The following ARHGAP19 variants were observed in gnomAD, a reference collection of about 807,000 sequenced individuals.
The protein encoded by ARHGAP19 is Rho GTPase activating protein 19, also known as rho GTPase-activating protein 19.
A neutral mutation model predicts 60.9 loss-of-function variants in ARHGAP19; 48 were observed. The observed-to-expected ratio is 0.79, with a 90% CI of 0.62 to 1.00. The LOEUF is 1.00. Among genes scored for constraint, ARHGAP19 ranks in the 50% least tolerant of loss-of-function variants. ARHGAP19 has a pLI of 0.00. For missense variants in ARHGAP19, 562 were observed against 597.2 expected, an observed-to-expected ratio of 0.94 and a Z score of 0.61; for synonymous variants, 209 against 215.5, an observed-to-expected ratio of 0.97 and a Z score of 0.27.
At chr10:97,279,502 T>TGTTC (rs1420461806) in intron 1 of ARHGAP19, among the ~76,000 whole-genome samples, 1 of 151,492 alleles carries the variant, frequency 6.6e-6, no homozygotes, top group African/African-American at 2.4e-5. Context: ...GCGTTTTGTT[T>TGTTC]GTTTGTTTGA....
chr10:97,278,741 T>C (rs12263021), intron 1 of ARHGAP19, among the ~76,000 whole-genome samples: 4,265 of 151,930 alleles, frequency 0.028, 193 homozygotes, highest in African/African-American at 0.094. Context: ...GAAAAATCAA[T>C]TACAGAAAAA....
intron 6 of ARHGAP19, among the ~76,000 whole-genome samples, chr10:97,251,467 A>C (rs199615046): frequency 1.9e-3 from 71 of 37,232 alleles, no homozygotes; most frequent in East Asian, 8.1e-3. Context: ...AGGGAAAAGG[A>C]AGGAGAAGAG....
intron 1 of ARHGAP19, among the ~76,000 whole-genome samples, chr10:97,287,967 C>A (rs916489453): frequency 6.6e-6 from 1 of 152,124 alleles, no homozygotes; most frequent in African/African-American, 2.4e-5. Context: ...GATGCTGAGG[C>A]AGGAGAATCT....
chr10:97,232,835 T>C (rs1851049740), intron 9 of ARHGAP19, among the ~76,000 whole-genome samples: 1 of 152,038 alleles, frequency 6.6e-6, no homozygotes, highest in Non-Finnish European at 1.5e-5. Flanking sequence ...GGAGGATCAC[T>C]TGAGCCCAGA....
At chr10:97,255,567 A>C (rs1300287183) in intron 6 of ARHGAP19, among the ~76,000 whole-genome samples, 1 of 152,052 alleles carries the variant, frequency 6.6e-6, no homozygotes, top group Non-Finnish European at 1.5e-5. Context: ...ACAGAGTGAG[A>C]CCTTGTCTGA....
chr10:97,231,610 T>G (rs1851018370), intron 9 of ARHGAP19, among the ~76,000 whole-genome samples: 1 of 152,216 alleles, frequency 6.6e-6, no homozygotes, highest in African/African-American at 2.4e-5. Flanking sequence ...TCTTCAAGAT[T>G]CACGCATGTT....
chr10:97,223,666 T>C lies in ARHGAP19; in HGVS notation c.*2456A>G, dbSNP rs1289090895. 6.6e-6 allele frequency: 1 copy of C among 152,224 alleles called. No individual in the cohort carries two copies. Among genetic ancestry groups the C allele is most frequent in the Non-Finnish European group, 1.5e-5 (1 of 68,048 alleles). The allele number at this position is 152,224 out of a possible 1,614,324, so 9.4% of individuals were successfully genotyped here. ...AATGAAATAGATTCAAAAAAAATCT[T>C]ATAGATTAAAAAACTCTGTTAAATA... On this transcript the variant is annotated 3_prime_UTR_variant, in exon 12 of 12. Transcript: ENST00000358531.
chr10:97,253,753 C>T (rs1842720337), intron 6 of ARHGAP19, among the ~76,000 whole-genome samples: 1 of 151,998 alleles, frequency 6.6e-6, no homozygotes, highest in African/African-American at 2.4e-5. Flanking sequence ...CATATGTACC[C>T]AATAAATATG....
In ARHGAP19 at chr10:97,258,503, C is replaced by G. The variant is rs1842785781; in HGVS notation, c.840+899G>C. On this transcript the variant is annotated intron_variant, in intron 5 of 11. Coordinates refer to ENST00000358531, the MANE Select transcript of ARHGAP19 (RefSeq NM_032900.6). ...GAGCTGAGATTGCACCACTGCTCTC[C>G]AGCCTAGGCAACAGAGGAAGACTCT... Among the ~76,000 whole-genome samples, 2 of 151,980 alleles carry G rather than the reference C, an allele frequency of 1.3e-5. 1 individual carries two copies. Among genetic ancestry groups the G allele is most frequent in the Non-Finnish European group, 2.9e-5 (2 of 68,014 alleles).
chr10:97,249,400 C>T (rs185306904), intron 6 of ARHGAP19, among the ~76,000 whole-genome samples: 24 of 152,252 alleles, frequency 1.6e-4, no homozygotes, highest in East Asian at 9.6e-4. Context: ...GGCAATGTGA[C>T]GCACACAAAC....
At chr10:97,281,291 C>T (rs1447140679) in intron 1 of ARHGAP19, among the ~76,000 whole-genome samples, 1 of 151,772 alleles carries the variant, frequency 6.6e-6, no homozygotes, top group East Asian at 1.9e-4. Flanking sequence ...GTCCCAACTA[C>T]TCAGGAGGCT....
chr10:97,247,834 T>C (rs1176016332), intron 6 of ARHGAP19, among the ~76,000 whole-genome samples: 1 of 151,684 alleles, frequency 6.6e-6, no homozygotes, highest in Admixed American at 6.6e-5. Flanking sequence ...AACCAGGAAA[T>C]AGGAATATAC....
intron 9 of ARHGAP19, among the ~76,000 whole-genome samples, chr10:97,233,781 T>C (rs996092734): frequency 9.9e-5 from 15 of 150,994 alleles, no homozygotes; most frequent in Non-Finnish European, 1.8e-4. Context: ...GGCAGGAAAA[T>C]GGCTTGAAAC....
intron 1 of ARHGAP19, among the ~76,000 whole-genome samples, chr10:97,274,818 A>C (rs1843003376): frequency 6.6e-6 from 1 of 152,224 alleles, no homozygotes; most frequent in African/African-American, 2.4e-5. Context: ...AGGCATACAG[A>C]AATAACAAGG....
intron 5 of ARHGAP19, among the ~76,000 whole-genome samples, chr10:97,259,137 T>C (rs1842793918): frequency 6.6e-6 from 1 of 152,244 alleles, no homozygotes. Flanking sequence ...TATTCTAGTT[T>C]ATTCAGTAGT....
intron 6 of ARHGAP19, among the ~76,000 whole-genome samples, chr10:97,253,160 G>A (rs570209257): frequency 1.3e-5 from 2 of 152,028 alleles, no homozygotes; most frequent in Non-Finnish European, 1.5e-5. Flanking sequence ...AGGCCGAGGC[G>A]GGCGGTCAGG....
At chr10:97,239,475 C>T (rs1842434843) in intron 8 of ARHGAP19, among the ~76,000 whole-genome samples, 1 of 149,132 alleles carries the variant, frequency 6.7e-6, no homozygotes, top group African/African-American at 2.5e-5. Flanking sequence ...TGCACTCCAG[C>T]CTGATGACAG....
intron 1 of ARHGAP19, among the ~76,000 whole-genome samples, chr10:97,282,032 C>T (rs1381677399): frequency 1.3e-5 from 2 of 152,264 alleles, no homozygotes; most frequent in East Asian, 1.9e-4. Flanking sequence ...ATTCCCAATA[C>T]GTATTTTCCC....
intron 1 of ARHGAP19, among the ~76,000 whole-genome samples, chr10:97,266,752 G>A (rs7072078): frequency 0.53 from 79,851 of 151,982 alleles, 22,247 homozygotes; most frequent in East Asian, 0.72. Flanking sequence ...GCAGGCAAGA[G>A]AGTGTGTGAA....
Sources: gnomAD v4.1 joint callset for allele counts (sites outside exome capture counted in the v4.1 genomes callset) on GRCh38, gnomAD v4.1.1 for gene constraint, MANE v1.5 for transcripts, NCBI Gene and HGNC (gene_info 2026-07-23, HGNC 2026-07-21) for gene names.